The following IARS2 variants were observed in gnomAD, a reference collection of about 807,000 sequenced individuals.
The protein encoded by IARS2 is isoleucyl-tRNA synthetase 2, mitochondrial.
Under a neutral mutation model 126.3 loss-of-function variants are expected in IARS2, and 56 were observed. The ratio of observed to expected loss-of-function variants is 0.44; its 90% CI spans 0.36 to 0.55. The LOEUF (loss-of-function observed/expected upper bound fraction) is 0.55. Ranked by LOEUF, IARS2 falls within the 20% of genes least tolerant of loss-of-function variation. IARS2 has a pLI of 0.00. For missense variants in IARS2, 1,127 were observed against 1,245.9 expected (o/e 0.90, Z 1.44); for synonymous variants, 407 against 441.1 (o/e 0.92, Z 0.97).
At chr1:220,115,034 A>G (rs1321148403) in intron 12 of IARS2, among the ~76,000 whole-genome samples, 1 of 151,282 alleles carries the variant, frequency 6.6e-6, no homozygotes, top group African/African-American at 2.4e-5. Flanking sequence ...GCTTTTTCCT[A>G]CTCCAGGTAT....
Position 220,140,259 on chromosome 1 carries a change from C to G in IARS2, c.2384C>G (p.Ser795Cys), listed in dbSNP as rs1657458202. 4 of 1,607,876 alleles carry G rather than the reference C, an allele frequency of 2.5e-6. No homozygotes were observed. Among genetic ancestry groups the G allele is most frequent in the Non-Finnish European group, 3.4e-6 (4 of 1,174,466 alleles). ...LLRTFYTREL[S>C]NFYFSIIKDR... Reference sequence around the variant, plus strand: ...CGGACGTTTTATACCAGAGAGCTCTCTAACTTTTATTTCAGTATAATCAAA... The same window carrying G: ...CGGACGTTTTATACCAGAGAGCTCTGTAACTTTTATTTCAGTATAATCAAA... The change falls in exon 19 of 23, where the codon TCT becomes TGT. Residue 795 changes from serine to cysteine, a missense_variant. Transcript: ENST00000366922.
chr1:220,125,706 GA>G (rs1167202140), intron 13 of IARS2, among the ~76,000 whole-genome samples: 3 of 152,086 alleles, frequency 2.0e-5, no homozygotes, highest in Non-Finnish European at 2.9e-5. Flanking sequence ...TTGGGAGGTT[GA>G]GGGGGGAGGA....
At chr1:220,125,427 CTTATG>C in intron 13 of IARS2, 88 bp downstream of exon 13, 1 of 797,392 alleles carries the variant, frequency 1.3e-6, no homozygotes, top group Non-Finnish European at 2.1e-6. Flanking sequence ...AAAAAATTAT[CTTATG>C]TAAAGTTAAC....
intron 12 of IARS2, among the ~76,000 whole-genome samples, chr1:220,124,419 A>G (rs948623122): frequency 6.6e-6 from 1 of 152,152 alleles, no homozygotes; most frequent in African/African-American, 2.4e-5. Context: ...TTCTGAGGGA[A>G]GTGTCTAGGA....
intron 11 of IARS2, among the ~76,000 whole-genome samples, chr1:220,111,596 A>ATGTG (rs1348774206): frequency 2.4e-4 from 32 of 133,346 alleles, no homozygotes; most frequent in African/African-American, 6.6e-4. Flanking sequence ...ATATATATAT[A>ATGTG]TATGTGTGTG....
intron 11 of IARS2, among the ~76,000 whole-genome samples, chr1:220,113,628 T>TA (rs1414892842): frequency 7.0e-6 from 1 of 143,818 alleles, no homozygotes; most frequent in African/African-American, 2.9e-5. Context: ...TGTCGATAGA[T>TA]ATATATATAT....
In IARS2 at chr1:220,141,838, G is replaced by A. The variant is rs146618526; in HGVS notation, c.2450G>A (p.Arg817His). The A allele has an allele frequency of 1.4e-5, 23 of 1,614,072 alleles. No individual in the cohort carries two copies. In the East Asian group the frequency reaches 3.8e-4, roughly 27 times the overall value. The change falls in exon 20 of 23, where the codon CGC becomes CAC. Residue 817 changes from arginine (R) to histidine (H), a missense_variant. By Grantham distance (29) the Arg-to-His change is conservative. Coordinates refer to ENST00000366922, the MANE Select transcript of IARS2 (RefSeq NM_018060.4). ...GAAAAGGAAAATGACCCCAAACGAC[G>A]CTCTTGTCAGACTGCATTAGTTGAA... ...YCEKENDPKR[R>H]SCQTALVEIL...
At position 220,138,127 on chromosome 1, in the gene IARS2, C is replaced by A. The variant is rs996243708; in HGVS notation, c.2175+84C>A. 5.0e-6 allele frequency: 7 copies of A among 1,386,312 alleles called. No homozygotes were observed. The African/African-American group carries it at 8.6e-5, about 17-fold the overall frequency. The allele number at this position is 1,386,312 out of a possible 1,614,324, so 85.9% of individuals were successfully genotyped here. A position where few individuals can be genotyped will look rare whatever the true frequency, so the allele number is the denominator to read the frequency against. On this transcript the variant is annotated intron_variant, in intron 17 of 22. Coordinates refer to ENST00000366922, the MANE Select transcript of IARS2 (RefSeq NM_018060.4). Reference sequence around the variant, plus strand: ...AAAATGAGACACATTTTGTTTGGAACTGAAAAAAACTGAATGAAAACGAGT... The same window carrying A: ...AAAATGAGACACATTTTGTTTGGAAATGAAAAAAACTGAATGAAAACGAGT...
At chr1:220,142,020 C>A in intron 20 of IARS2, 72 bp downstream of exon 20, 1 of 1,445,086 alleles carries the variant, frequency 6.9e-7, no homozygotes, top group South Asian at 1.3e-5. Flanking sequence ...CTTCTATCTG[C>A]TTCATAAAAG....
rs1334851039 is a variant in IARS2, at chr1:220,112,385, C to T, written c.1479+1448C>T. Among the ~76,000 whole-genome samples the T allele has an allele frequency of 9.6e-5, 6 of 62,262 alleles. 2 individuals are homozygous for T. Among genetic ancestry groups the T allele is most frequent in the South Asian group, 1.1e-3 (2 of 1,824 alleles). The allele number at this position is 62,262 out of a possible 152,430, so 40.8% of individuals were successfully genotyped here. On this transcript the variant is annotated intron_variant, in intron 11 of 22. Transcript: ENST00000366922. ...TCCTGACCTCATGATCCACCCGCCT[C>T]GGCCTCCCAAAGTGCTGGGATTACA...
At chr1:220,114,711 A>G (rs759999610) in intron 12 of IARS2, among the ~76,000 whole-genome samples, 18 of 152,118 alleles carry the variant, frequency 1.2e-4, no homozygotes, top group Non-Finnish European at 2.2e-4. Context: ...TTTTTCTATG[A>G]GAATTTATTG....
At chr1:220,137,764 T>G in intron 16 of IARS2, 154 bp from the exon 17 acceptor site, 72 of 746,196 alleles carry the variant, frequency 9.6e-5, no homozygotes, top group Middle Eastern at 8.0e-4. Flanking sequence ...CAGTCTAATT[T>G]GAGATTGTTA....
At chr1:220,096,058 T>A (rs1571841467) in intron 1 of IARS2, 46 bp from the exon 2 acceptor site, 1 of 1,084,170 alleles carries the variant, frequency 9.2e-7, no homozygotes, top group Admixed American at 2.1e-5. Context: ...GACTCAGGAG[T>A]ATGTATTTAT....
intron 17 of IARS2, 25 bp from the exon 18 acceptor site, chr1:220,138,983 G>A: frequency 1.9e-6 from 3 of 1,591,534 alleles, no homozygotes; most frequent in Non-Finnish European, 2.6e-6. Flanking sequence ...TTTTTTAACT[G>A]CATATTTTTT....
chr1:220,116,180 G>T (rs1005540035), intron 12 of IARS2, among the ~76,000 whole-genome samples: 3 of 152,174 alleles, frequency 2.0e-5, no homozygotes, highest in Admixed American at 6.5e-5. Context: ...ATGCACTCCA[G>T]CCTGGATGAC....
At chr1:220,116,806 A>G (rs1322649456) in intron 12 of IARS2, among the ~76,000 whole-genome samples, 1 of 151,990 alleles carries the variant, frequency 6.6e-6, no homozygotes, top group Non-Finnish European at 1.5e-5. Context: ...GAGTGCAGTG[A>G]TGTGATCTTG....
chr1:220,103,354 A>G (rs1024590426), intron 7 of IARS2, 93 bp from the exon 8 acceptor site: 3 of 810,240 alleles, frequency 3.7e-6, no homozygotes, highest in Non-Finnish European at 4.1e-6. Context: ...GCCTGAAGTC[A>G]GTTTTTTCTA....
chr1:220,110,966 C>A (rs185124362), intron 11 of IARS2, 29 bp downstream of exon 11: 1 of 1,604,172 alleles, frequency 6.2e-7, no homozygotes, highest in South Asian at 1.1e-5. Flanking sequence ...TTTAACAGGT[C>A]GGGCATATCA....
At chr1:220,095,605 A>G (rs1656422187) in intron 1 of IARS2, among the ~76,000 whole-genome samples, 1 of 152,178 alleles carries the variant, frequency 6.6e-6, no homozygotes, top group African/African-American at 2.4e-5. Context: ...TTCAGATAAG[A>G]AAGCAGGCCC....
Sources: allele counts gnomAD v4.1 joint callset (sites outside exome capture counted in the v4.1 genomes callset), GRCh38; gene constraint gnomAD v4.1.1; transcripts MANE v1.5; gene names NCBI Gene and HGNC (gene_info 2026-07-23, HGNC 2026-07-21).